Variants in CCSER1 observed in about 807,000 individuals in gnomAD.
CCSER1 encodes coiled-coil serine rich protein 1.
In CCSER1, 41 loss-of-function variants were observed where a neutral mutation model predicts 82.0. The observed-to-expected ratio is 0.50, with a 90% CI of 0.39 to 0.65. The LOEUF (loss-of-function observed/expected upper bound fraction) is 0.65. Ranked by LOEUF, CCSER1 falls within the 30% of genes least tolerant of loss-of-function variation. The pLI is 0.00. For missense variants in CCSER1, 1,119 were observed against 1,064.2 expected (o/e 1.05, Z -0.72); for synonymous variants, 414 against 383.9 (o/e 1.08, Z -0.92).
rs187839758 is a variant in CCSER1 at position 91,249,189 on chromosome 4, A to G, written c.2217+163195A>G. Among the ~76,000 whole-genome samples, 28 of 152,240 alleles carry G rather than the reference A, an allele frequency of 1.8e-4. 1 individual carries two copies. In the East Asian group the frequency reaches 3.9e-3, roughly 21 times the overall value. On this transcript the variant is annotated intron_variant, in intron 10 of 10. Coordinates refer to ENST00000509176, the MANE Select transcript of CCSER1 (RefSeq NM_001145065.2). ...GGTGTAGTTTTATATTTTTTCTAAA[A>G]TTTGAAGGCTTGATTTGGTTCACAT...
intron 5 of CCSER1, among the ~76,000 whole-genome samples, chr4:90,585,710 C>T (rs998129934): frequency 1.9e-4 from 29 of 151,958 alleles, no homozygotes; most frequent in Admixed American, 2.6e-4. Flanking sequence ...AAAAAAGTAA[C>T]ATACGGGTGT....
chr4:90,734,130 A>T (rs6841499), intron 7 of CCSER1, among the ~76,000 whole-genome samples: 7,120 of 151,062 alleles, frequency 0.047, 461 homozygotes, highest in African/African-American at 0.14. Context: ...TTAATTAATT[A>T]ATTTATTTAT....
chr4:90,707,400 C>T (rs534934286), intron 6 of CCSER1, among the ~76,000 whole-genome samples: 1 of 152,054 alleles, frequency 6.6e-6, no homozygotes, highest in South Asian at 2.1e-4. Context: ...GTACCTTTTG[C>T]CATCTTCCCT....
chr4:90,923,595 A>G (rs1004095739), intron 9 of CCSER1, 148 bp downstream of exon 9: 1 of 557,826 alleles, frequency 1.8e-6, no homozygotes, highest in African/African-American at 1.9e-5. Context: ...ACAATCCCCA[A>G]ATACCTCCTG....
In CCSER1 at chr4:91,472,046, T is replaced by G. The variant is rs997085503; in HGVS notation, c.2218-126526T>G. ...CTAAGTTATTAGTAAAAAAAATCAT[T>G]AGGTCTCATTTTAGAATTCACTTGG... On this transcript the variant is annotated intron_variant, in intron 10 of 10. Coordinates refer to ENST00000509176, the MANE Select transcript of CCSER1 (RefSeq NM_001145065.2). Among the ~76,000 whole-genome samples the G allele has an allele frequency of 2.6e-5, 4 of 152,194 alleles. No homozygotes were observed. The East Asian group carries it at 7.7e-4, about 29-fold the overall frequency.
chr4:90,468,769 AT>A (rs1763963980), intron 5 of CCSER1: 1 of 152,342 alleles, frequency 6.6e-6, no homozygotes, highest in Admixed American at 6.5e-5. Context: ...ATTTTAAAAT[AT>A]TTTTACTAAA....
At chr4:90,561,052 T>A (rs1462911269) in intron 5 of CCSER1, among the ~76,000 whole-genome samples, 3 of 152,216 alleles carry the variant, frequency 2.0e-5, no homozygotes, top group African/African-American at 7.2e-5. Context: ...ATTTACTACC[T>A]TATCACACTG....
intron 6 of CCSER1, 62 bp downstream of exon 6, chr4:90,628,294 T>C: frequency 7.5e-7 from 1 of 1,337,936 alleles, no homozygotes; most frequent in East Asian, 2.3e-5. Context: ...TCTGCAGACG[T>C]GGTTAGACCC....
At chr4:91,019,304 CA>C (rs1287967093) in intron 9 of CCSER1, among the ~76,000 whole-genome samples, 1 of 151,824 alleles carries the variant, frequency 6.6e-6, no homozygotes, top group Admixed American at 6.6e-5. Context: ...GGGCTACTTT[CA>C]AATTTCAAAT....
At chr4:91,491,426 G>GTCAGAGCTTAGTATATGATGGGAAATTAA (rs1560712831) in intron 10 of CCSER1, among the ~76,000 whole-genome samples, 1 of 151,730 alleles carries the variant, frequency 6.6e-6, no homozygotes, top group Non-Finnish European at 1.5e-5. Flanking sequence ...TGGGAAATTA[G>GTCAGAGCTTAGTATATGATGGGAAATTAA]ATGTCAGCTA....
chr4:90,266,034 G>T (rs751097108), intron 1 of CCSER1, among the ~76,000 whole-genome samples: 2 of 152,068 alleles, frequency 1.3e-5, no homozygotes, highest in Non-Finnish European at 2.9e-5. Flanking sequence ...TTCATATTCA[G>T]ATTTAAATTA....
At chr4:90,605,604 T>G (rs1043558807) in intron 5 of CCSER1, among the ~76,000 whole-genome samples, 3 of 151,900 alleles carry the variant, frequency 2.0e-5, no homozygotes, top group Non-Finnish European at 4.4e-5. Context: ...ACTCCAACAT[T>G]ATGTCTTTTT....
At chr4:90,329,790 G>T (rs1738939487) in intron 3 of CCSER1, among the ~76,000 whole-genome samples, 2 of 152,050 alleles carry the variant, frequency 1.3e-5, no homozygotes, top group African/African-American at 2.4e-5. Flanking sequence ...ATTAAACTGG[G>T]AAAAAAGCAT....
chr4:90,796,787 A>T (rs1386999032), intron 7 of CCSER1, among the ~76,000 whole-genome samples: 1 of 152,104 alleles, frequency 6.6e-6, no homozygotes, highest in Admixed American at 6.6e-5. Context: ...ATGTAATTAT[A>T]TGGTTTTGAG....
intron 10 of CCSER1, among the ~76,000 whole-genome samples, chr4:91,408,002 G>A (rs1482353943): frequency 1.3e-5 from 2 of 152,022 alleles, no homozygotes; most frequent in Non-Finnish European, 1.5e-5. Context: ...CTGCACTTCC[G>A]GCTTGCTCAG....
At chr4:90,621,808 G>C (rs928214237) in intron 5 of CCSER1, among the ~76,000 whole-genome samples, 1 of 152,136 alleles carries the variant, frequency 6.6e-6, no homozygotes, top group Non-Finnish European at 1.5e-5. Flanking sequence ...CCTTTTTAAA[G>C]TTTGGAACTC....
chr4:91,307,583 T>C (rs1360969943), intron 10 of CCSER1, among the ~76,000 whole-genome samples: 1 of 152,008 alleles, frequency 6.6e-6, no homozygotes, highest in Non-Finnish European at 1.5e-5. Context: ...GCAGGTTATA[T>C]GTTGTGGTAA....
chr4:90,468,595 C>A, intron 5 of CCSER1: 2 of 324,788 alleles, frequency 6.2e-6, no homozygotes, highest in Non-Finnish European at 1.1e-5. Flanking sequence ...AGGACATGGG[C>A]AAGTAGGCTG....
intron 5 of CCSER1, among the ~76,000 whole-genome samples, chr4:90,556,054 T>C (rs1778089911): frequency 6.6e-6 from 1 of 152,114 alleles, no homozygotes; most frequent in Admixed American, 6.5e-5. Flanking sequence ...CTCCATCTAC[T>C]ATGTCAGGAT....
Sources: gnomAD v4.1 joint callset for allele counts (sites outside exome capture counted in the v4.1 genomes callset) on GRCh38, gnomAD v4.1.1 for gene constraint, MANE v1.5 for transcripts, NCBI Gene and HGNC (gene_info 2026-07-23, HGNC 2026-07-21) for gene names.